The following ASIC2 variants were observed in gnomAD, a reference collection of about 807,000 sequenced individuals.
The protein encoded by ASIC2 is acid-sensing ion channel 2.
ASIC2 carries 25 observed loss-of-function variants against 57.3 expected under a neutral mutation model. The observed-to-expected ratio is 0.44, with a 90% CI of 0.32 to 0.61. The LOEUF is 0.61. ASIC2 is among the 20% of genes least tolerant of loss of function. The pLI is 0.06. For synonymous variants in ASIC2, 319 were observed against 307.5 expected, an observed-to-expected ratio of 1.04 and a Z score of -0.39; for missense variants, 641 against 738.1, an observed-to-expected ratio of 0.87 and a Z score of 1.52.
At chr17:33,516,576 G>A (rs751059843) in intron 1 of ASIC2, among the ~76,000 whole-genome samples, 69 of 152,148 alleles carry the variant, frequency 4.5e-4, no homozygotes, top group Non-Finnish European at 6.6e-4. Flanking sequence ...AGTGGACCCT[G>A]GACATTGGGA....
chr17:33,255,297 C>T (rs1909025907), intron 1 of ASIC2, among the ~76,000 whole-genome samples: 1 of 151,856 alleles, frequency 6.6e-6, no homozygotes, highest in Admixed American at 6.6e-5. Context: ...ACCTCGGCCT[C>T]CCAAAGTGCT....
chr17:34,066,505 T>C (rs1252179410), intron 1 of ASIC2, among the ~76,000 whole-genome samples: 1 of 152,192 alleles, frequency 6.6e-6, no homozygotes, highest in African/African-American at 2.4e-5. Context: ...CAGGTAACTG[T>C]GGACGAGGTC....
chr17:33,015,341 C>A (rs987631285), intron 9 of ASIC2, among the ~76,000 whole-genome samples: 3 of 152,162 alleles, frequency 2.0e-5, no homozygotes, highest in African/African-American at 7.2e-5. Context: ...CCAACAGCCA[C>A]AGAGGGGCTG....
chr17:33,466,335 A>C (rs1597738599), intron 1 of ASIC2, among the ~76,000 whole-genome samples: 2 of 152,312 alleles, frequency 1.3e-5, no homozygotes, highest in South Asian at 4.1e-4. Flanking sequence ...TCAACGAAAT[A>C]AAAAAGGACA....
rs1475498813 is a variant in ASIC2 at position 34,156,245 on chromosome 17, G to T, written c.288C>A (p.Gly96=). 6.2e-6 allele frequency: 10 copies of T among 1,614,164 alleles called. No individual in the cohort carries two copies. The highest frequency in any genetic ancestry group is 1.3e-5 in the African/African-American group (1 of 75,040). Reference sequence around the variant, plus strand: ...TGGTGGTGAGCCTGGAGAACCGGAAGCCATTCAGGTTACAGAGGGTCACAG... The same window carrying T: ...TGGTGGTGAGCCTGGAGAACCGGAATCCATTCAGGTTACAGAGGGTCACAG... Residue 96 remains glycine, a synonymous_variant, in exon 1 of 10, where the codon GGC becomes GGA. Transcript: ENST00000359872. This position sits in a 1 kb window ranked among gnomAD's most constrained non-coding sequence, Gnocchi z 4.4.
At chr17:34,122,019 C>A (rs974060420) in intron 1 of ASIC2, among the ~76,000 whole-genome samples, 1 of 152,200 alleles carries the variant, frequency 6.6e-6, no homozygotes, top group South Asian at 2.1e-4. Flanking sequence ...CTGCAGGGAG[C>A]CATCTCTGTA....
At chr17:33,765,518 C>G (rs2142115972) in intron 1 of ASIC2, among the ~76,000 whole-genome samples, 1 of 152,340 alleles carries the variant, frequency 6.6e-6, no homozygotes, top group South Asian at 2.1e-4. Context: ...GCAGGTTCCT[C>G]AATTTCCTGT....
At chr17:34,027,464 G>GA (rs950018861) in intron 1 of ASIC2, among the ~76,000 whole-genome samples, 9 of 150,980 alleles carry the variant, frequency 6.0e-5, no homozygotes, top group African/African-American at 1.7e-4. Flanking sequence ...CCACCTCTTT[G>GA]AAAAAAAAAT....
intron 1 of ASIC2, among the ~76,000 whole-genome samples, chr17:33,227,256 A>C (rs1907915873): frequency 6.6e-6 from 1 of 152,172 alleles, no homozygotes; most frequent in Non-Finnish European, 1.5e-5. Context: ...ATGAAATGGG[A>C]ATAAAGTCTT....
Position 33,360,640 on chromosome 17 carries a change from T to C in ASIC2, c.556-248573A>G, listed in dbSNP as rs150007671. 3.6e-3 allele frequency among the ~76,000 whole-genome samples: 552 copies of C among 152,314 alleles called. 3 individuals are homozygous for C. Among genetic ancestry groups the C allele is most frequent in the Admixed American group, 7.1e-3 (109 of 15,302 alleles). On this transcript the variant is annotated intron_variant, in intron 1 of 9. Coordinates refer to the ASIC2 transcript ENST00000359872. ...CTTGGGGCTTTTACTTTTCAGGTTT[T>C]CTTAAACGGAACTTTTAGCCTTGGC...
chr17:33,371,988 G>A (rs928617159), intron 1 of ASIC2, among the ~76,000 whole-genome samples: 1 of 152,090 alleles, frequency 6.6e-6, no homozygotes, highest in Admixed American at 6.5e-5. Flanking sequence ...TGGGGAGGCA[G>A]TGAGGGTGGT....
At chr17:34,101,397 A>G (rs1910859884) in intron 1 of ASIC2, among the ~76,000 whole-genome samples, 1 of 152,210 alleles carries the variant, frequency 6.6e-6, no homozygotes. Context: ...CAGTTCACAC[A>G]GTACTTTTTC....
At chr17:33,989,988 A>T (rs1338567283) in intron 1 of ASIC2, among the ~76,000 whole-genome samples, 1 of 152,192 alleles carries the variant, frequency 6.6e-6, no homozygotes, top group Non-Finnish European at 1.5e-5. Flanking sequence ...CTTCGTGCAT[A>T]ATTAGCATGC....
At chr17:34,116,047 C>G (rs575226566) in intron 1 of ASIC2, among the ~76,000 whole-genome samples, 2 of 152,200 alleles carry the variant, frequency 1.3e-5, no homozygotes, top group East Asian at 3.9e-4. Flanking sequence ...AGATTAACAC[C>G]CAAACCACTT....
chr17:33,771,961 A>G (rs1013910775), intron 1 of ASIC2, among the ~76,000 whole-genome samples: 4 of 152,184 alleles, frequency 2.6e-5, no homozygotes, highest in African/African-American at 7.2e-5. Flanking sequence ...GTTGGGACTC[A>G]GAAAATAATA....
chr17:33,755,765 C>A (rs548693920), intron 1 of ASIC2, among the ~76,000 whole-genome samples: 1 of 151,950 alleles, frequency 6.6e-6, no homozygotes, highest in Non-Finnish European at 1.5e-5. Flanking sequence ...AACATAAACA[C>A]GCAGGATACA....
chr17:34,120,078 A>G (rs1001317231), intron 1 of ASIC2: 2 of 152,134 alleles, frequency 1.3e-5, no homozygotes, highest in African/African-American at 4.8e-5. Context: ...CTTGAGCTCC[A>G]TGCTCCCATT....
intron 1 of ASIC2, among the ~76,000 whole-genome samples, chr17:33,764,283 C>T (rs1355117848): frequency 6.7e-6 from 1 of 149,892 alleles, no homozygotes; most frequent in Admixed American, 6.7e-5. Context: ...CGCCACTGCA[C>T]TCCAGCCTGG....
At chr17:33,974,889 C>A (rs1362184070) in intron 1 of ASIC2, among the ~76,000 whole-genome samples, 1 of 152,166 alleles carries the variant, frequency 6.6e-6, no homozygotes, top group African/African-American at 2.4e-5. Flanking sequence ...CATCCCTCAG[C>A]TTTTCCTGTC....
Sources: allele counts gnomAD v4.1 joint callset (sites outside exome capture counted in the v4.1 genomes callset), GRCh38; gene constraint gnomAD v4.1.1; non-coding constraint Gnocchi (gnomAD v3.1); transcripts MANE v1.5; gene names NCBI Gene and HGNC (gene_info 2026-07-23, HGNC 2026-07-21).